Variants in GRIN2B observed in about 807,000 individuals in gnomAD.
The protein encoded by GRIN2B is glutamate receptor ionotropic, NMDA 2B.
GRIN2B carries 5 observed loss-of-function variants against 114.5 expected under a neutral mutation model. The observed-to-expected ratio is 0.04, with a 90% CI of 0.02 to 0.09. GRIN2B has a LOEUF of 0.09. Ranked by LOEUF, GRIN2B falls within the 10% of genes least tolerant of loss-of-function variation. GRIN2B has a pLI of 1.00. For synonymous variants in GRIN2B, 787 were observed against 745.1 expected, an observed-to-expected ratio of 1.06 and a Z score of -0.92; for missense variants, 1,108 against 1,943.5, an observed-to-expected ratio of 0.57 and a Z score of 8.08.
At chr12:13,589,522 G>C (rs1348051045) in intron 10 of GRIN2B, among the ~76,000 whole-genome samples, 5 of 152,200 alleles carry the variant, frequency 3.3e-5, no homozygotes, top group Non-Finnish European at 2.9e-5. Context: ...AAAAAGATCA[G>C]AGATTATGTT....
intron 4 of GRIN2B, among the ~76,000 whole-genome samples, chr12:13,697,979 C>T (rs1048223777): frequency 6.6e-6 from 1 of 152,220 alleles, no homozygotes; most frequent in Admixed American, 6.5e-5. Flanking sequence ...TAGACCCCAC[C>T]TGCTCTTCTC....
chr12:13,722,098 A>C (rs1275837632), intron 4 of GRIN2B, among the ~76,000 whole-genome samples: 1 of 152,154 alleles, frequency 6.6e-6, no homozygotes, highest in Non-Finnish European at 1.5e-5. Flanking sequence ...CATTCCATTA[A>C]CACAGTATGA....
chr12:13,636,754 C>T (rs1350764567), intron 5 of GRIN2B, among the ~76,000 whole-genome samples: 3 of 152,176 alleles, frequency 2.0e-5, no homozygotes, highest in Admixed American at 2.0e-4. Flanking sequence ...TACCAGACAG[C>T]TTCAAATCAA....
chr12:13,847,652 C>T (rs1419211009), intron 3 of GRIN2B, among the ~76,000 whole-genome samples: 5 of 151,756 alleles, frequency 3.3e-5, no homozygotes, highest in Admixed American at 6.6e-5. Flanking sequence ...CAGAGAGACA[C>T]GAACCAGAGA....
At chr12:13,783,305 A>G (rs1169303687) in intron 3 of GRIN2B, among the ~76,000 whole-genome samples, 3 of 152,134 alleles carry the variant, frequency 2.0e-5, no homozygotes, top group Non-Finnish European at 2.9e-5. Context: ...TAAAGAAAAG[A>G]GTAAGTTAGT....
intron 2 of GRIN2B, among the ~76,000 whole-genome samples, chr12:13,925,258 C>T (rs571407716): frequency 1.3e-5 from 2 of 152,294 alleles, no homozygotes; most frequent in East Asian, 1.9e-4. Context: ...CCTATAAAAA[C>T]TTGACCCACG....
chr12:13,628,407 A>C (rs1277402390), intron 5 of GRIN2B, among the ~76,000 whole-genome samples: 1 of 152,100 alleles, frequency 6.6e-6, no homozygotes, highest in Admixed American at 6.5e-5. Context: ...GTCTCATTAC[A>C]CCCTCTTCAT....
chr12:13,948,486 A>T (rs1041574860), intron 2 of GRIN2B, among the ~76,000 whole-genome samples: 3 of 152,032 alleles, frequency 2.0e-5, no homozygotes, highest in Non-Finnish European at 2.9e-5. Flanking sequence ...AGATTTTTTT[A>T]TATATATCCT....
chr12:13,747,686 A>G (rs1343103376), intron 4 of GRIN2B, among the ~76,000 whole-genome samples: 1 of 152,234 alleles, frequency 6.6e-6, no homozygotes, highest in Non-Finnish European at 1.5e-5. Flanking sequence ...ATTACTATGC[A>G]TTCATGTAAC....
At chr12:13,656,066 T>A (rs770758324) in intron 5 of GRIN2B, among the ~76,000 whole-genome samples, 1 of 139,596 alleles carries the variant, frequency 7.2e-6, no homozygotes, top group Non-Finnish European at 1.5e-5. Context: ...GCCTGTCAGT[T>A]CTCTCCACTC....
Position 13,826,770 on chromosome 12 carries a change from T to G in GRIN2B, c.411+39028A>C, listed in dbSNP as rs1271859338. Among the ~76,000 whole-genome samples, 3 of 152,138 alleles carry G rather than the reference T, an allele frequency of 2.0e-5. No individual in the cohort carries two copies. In the East Asian group the frequency reaches 5.8e-4, roughly 29 times the overall value. On this transcript the variant is annotated intron_variant, in intron 3 of 13. Coordinates refer to ENST00000609686, the MANE Select transcript of GRIN2B (RefSeq NM_000834.5). ...ATTTTTTCAGGATTTTTAATAATGT[T>G]TATAAATTCCCACCAATTTACTATG...
intron 2 of GRIN2B, among the ~76,000 whole-genome samples, chr12:13,918,673 A>C (rs949488154): frequency 2.6e-5 from 4 of 152,196 alleles, no homozygotes; most frequent in Non-Finnish European, 5.9e-5. Context: ...GAGAAAAGAA[A>C]ATGTATTAAA....
chr12:13,939,481 C>G (rs1867195161), intron 2 of GRIN2B, among the ~76,000 whole-genome samples: 1 of 150,892 alleles, frequency 6.6e-6, no homozygotes, highest in African/African-American at 2.4e-5. Context: ...TTCCCCTTCA[C>G]CTTCTACTAT....
In GRIN2B at chr12:13,834,020, C is replaced by CTTTT. The variant is rs71067731; in HGVS notation, c.411+31774_411+31777dup. Among the ~76,000 whole-genome samples the CTTTT allele has an allele frequency of 4.1e-4, 30 of 72,584 alleles. 1 individual carries two copies. Among genetic ancestry groups the CTTTT allele is most frequent in the Admixed American group, 6.8e-4 (3 of 4,414 alleles). The allele number at this position is 72,584 out of a possible 152,430, so 47.6% of individuals were successfully genotyped here. On this transcript the variant is annotated intron_variant, in intron 3 of 13. Coordinates refer to ENST00000609686, the MANE Select transcript of GRIN2B (RefSeq NM_000834.5). ...AACACAGTAGTCTCTTTGCTAACTT[C>CTTTT]TTTTTTTTTTTTTTTTTTTTTTTTT... is the stretch of plus-strand genomic sequence containing the variant.
chr12:13,605,071 CTTT>C (rs35062527), intron 10 of GRIN2B, among the ~76,000 whole-genome samples: 1 of 143,048 alleles, frequency 7.0e-6, no homozygotes, highest in Non-Finnish European at 1.5e-5. Flanking sequence ...CCCACAGACT[CTTT>C]TTTTTTTTTG....
chr12:13,926,960 G>GAAAAAAAAAAAAAAA (rs55736068), intron 2 of GRIN2B, among the ~76,000 whole-genome samples: 1 of 142,422 alleles, frequency 7.0e-6, no homozygotes. Flanking sequence ...TCAAAAAAAA[G>GAAAAAAAAAAAAAAA]AAAAAAAAAA....
intron 2 of GRIN2B, among the ~76,000 whole-genome samples, chr12:13,967,881 G>A (rs1867814261): frequency 6.6e-6 from 1 of 152,168 alleles, no homozygotes; most frequent in African/African-American, 2.4e-5. Context: ...CAAAGGCCTG[G>A]AGTGTAAATC....
chr12:13,939,313 C>T (rs1350089427), intron 2 of GRIN2B, among the ~76,000 whole-genome samples: 1 of 151,966 alleles, frequency 6.6e-6, no homozygotes, highest in Non-Finnish European at 1.5e-5. Flanking sequence ...GTGTTTGGGT[C>T]AGGGGGCTGA....
At chr12:13,932,122 T>C (rs1867045005) in intron 2 of GRIN2B, among the ~76,000 whole-genome samples, 1 of 152,214 alleles carries the variant, frequency 6.6e-6, no homozygotes, top group Admixed American at 6.5e-5. Flanking sequence ...TTCCAATTCC[T>C]TTTTTTAATA....
Sources: gnomAD v4.1 joint callset for allele counts (sites outside exome capture counted in the v4.1 genomes callset) on GRCh38, gnomAD v4.1.1 for gene constraint, MANE v1.5 for transcripts, NCBI Gene and HGNC (gene_info 2026-07-23, HGNC 2026-07-21) for gene names.